Variants in UCK2 observed in about 807,000 individuals in gnomAD.
UCK2 encodes uridine-cytidine kinase 2.
A neutral mutation model predicts 30.8 loss-of-function variants in UCK2; 6 were observed. The observed-to-expected ratio is 0.19, with a 90% CI of 0.11 to 0.38. The LOEUF (loss-of-function observed/expected upper bound fraction) is 0.38. UCK2 is among the 10% of genes least tolerant of loss of function. The probability of loss-of-function intolerance (pLI) is 1.00; values close to 1 mark genes in which losing one functional copy is unlikely to be tolerated. For missense variants in UCK2, 210 were observed against 339.8 expected (o/e 0.62, Z 3.00); for synonymous variants, 125 against 133.6 (o/e 0.94, Z 0.45).
intron 5 of UCK2, among the ~76,000 whole-genome samples, chr1:165,904,658 C>T (rs1432581248): frequency 6.6e-6 from 1 of 152,186 alleles, no homozygotes; most frequent in African/African-American, 2.4e-5. Flanking sequence ...CAGCTCATTC[C>T]CCTGTAAGCC....
At chr1:165,857,787 A>C (rs971365992) in intron 1 of UCK2, among the ~76,000 whole-genome samples, 4 of 152,174 alleles carry the variant, frequency 2.6e-5, no homozygotes, top group Non-Finnish European at 4.4e-5. Context: ...GCTTTGGCTG[A>C]CATCTGTCAT....
chr1:165,829,903 A>G (rs72699961), intron 1 of UCK2, among the ~76,000 whole-genome samples: 17,500 of 152,254 alleles, frequency 0.11, 1,238 homozygotes, highest in Admixed American at 0.16. Flanking sequence ...CACCTAGCCC[A>G]GAGTAAGTGG....
intron 1 of UCK2, among the ~76,000 whole-genome samples, chr1:165,874,730 A>T (rs879579795): frequency 6.6e-6 from 1 of 152,096 alleles, no homozygotes; most frequent in Non-Finnish European, 1.5e-5. Flanking sequence ...CTTTTCTTCC[A>T]TCTATAGGTT....
rs1268085829 is a variant in UCK2, at chr1:165,910,788, C to T, written c.*2965C>T. On this transcript the variant is annotated 3_prime_UTR_variant, in exon 7 of 7. Transcript: ENST00000367879. ...CAGTTCACCTTGCCGCAGAACTAGC[C>T]TAATCATCCCTGCTTCTGGTCTTGG... is the stretch of plus-strand genomic sequence containing the variant. 1.2e-4 allele frequency: 18 copies of T among 152,346 alleles called. No individual in the cohort carries two copies. The highest frequency in any genetic ancestry group is 8.5e-4 in the Admixed American group (13 of 15,284). The allele number at this position is 152,346 out of a possible 1,614,324, so 9.4% of individuals were successfully genotyped here.
At chr1:165,857,893 A>T (rs927424742) in intron 1 of UCK2, among the ~76,000 whole-genome samples, 2 of 152,040 alleles carry the variant, frequency 1.3e-5, no homozygotes, top group African/African-American at 4.8e-5. Context: ...AAAAGGTTAG[A>T]TCCTCCCACC....
In UCK2 at chr1:165,873,432, G is replaced by A. The variant is rs1655252757; in HGVS notation, c.100-16772G>A. On this transcript the variant is annotated intron_variant, in intron 1 of 6. Transcript: ENST00000367879. ...CATTTATTTCTAGCAGTAGGACTTA[G>A]CCAATCATTTCTGTCTTTGTTTTAC... Among the ~76,000 whole-genome samples, 3 of 152,294 alleles carry A rather than the reference G, an allele frequency of 2.0e-5. No individual in the cohort carries two copies. In the South Asian group the frequency reaches 6.2e-4, roughly 32 times the overall value.
chr1:165,907,653 C>G, intron 6 of UCK2, 31 bp from the exon 7 acceptor site: 2 of 1,611,458 alleles, frequency 1.2e-6, no homozygotes, highest in Non-Finnish European at 1.7e-6. Flanking sequence ...ATGCCTGCAC[C>G]CGTAACGCTC....
intron 1 of UCK2, among the ~76,000 whole-genome samples, chr1:165,870,940 C>T (rs1655181744): frequency 6.6e-6 from 1 of 152,196 alleles, no homozygotes; most frequent in Non-Finnish European, 1.5e-5. Context: ...GCCTCAGCCT[C>T]CCAAGTAGCT....
At chr1:165,841,246 C>T (rs1038607516) in intron 1 of UCK2, among the ~76,000 whole-genome samples, 14 of 151,788 alleles carry the variant, frequency 9.2e-5, no homozygotes, top group Admixed American at 1.3e-4. Context: ...TGCAATGGCA[C>T]GATCTCGGCT....
chr1:165,902,052 G>A (rs1462267426), intron 4 of UCK2, among the ~76,000 whole-genome samples: 4 of 151,666 alleles, frequency 2.6e-5, no homozygotes, highest in East Asian at 1.9e-4. Flanking sequence ...TGGCTAACAC[G>A]GTGAAACCCC....
At chr1:165,847,307 T>C (rs1247318801) in intron 1 of UCK2, among the ~76,000 whole-genome samples, 2 of 152,122 alleles carry the variant, frequency 1.3e-5, no homozygotes, top group Non-Finnish European at 2.9e-5. Flanking sequence ...CAATAAATAA[T>C]TCAGAAAAGG....
chr1:165,834,434 C>T (rs549722938), intron 1 of UCK2, among the ~76,000 whole-genome samples: 1 of 152,122 alleles, frequency 6.6e-6, no homozygotes, highest in South Asian at 2.1e-4. Context: ...CATTGCAATC[C>T]AACCTGGGCA....
chr1:165,868,972 C>T (rs1215408704), intron 1 of UCK2, among the ~76,000 whole-genome samples: 1 of 152,142 alleles, frequency 6.6e-6, no homozygotes, highest in African/African-American at 2.4e-5. Flanking sequence ...TTTACTTGAA[C>T]ACTTAGAGGC....
In UCK2 at chr1:165,891,341, G is replaced by A. The variant is rs765347074; in HGVS notation, c.356+19G>A. 1.9e-6 allele frequency: 3 copies of A among 1,608,062 alleles called. No homozygotes were observed. The highest frequency in any genetic ancestry group is 2.6e-6 in the Non-Finnish European group (3 of 1,174,546). ...ATTCCCGGTAAGTGAGCTGTTCTGG[G>A]CCAGGGATGGCACCCACTGCTCCGC... On this transcript the variant is annotated intron_variant, in intron 3 of 6. Coordinates refer to ENST00000367879, the MANE Select transcript of UCK2 (RefSeq NM_012474.5).
chr1:165,903,967 A>G (rs1046749158), intron 5 of UCK2: 1 of 152,472 alleles, frequency 6.6e-6, no homozygotes, highest in Non-Finnish European at 1.5e-5. Context: ...GGGGCTGCAG[A>G]AGGAGAAGTA....
intron 1 of UCK2, among the ~76,000 whole-genome samples, chr1:165,882,867 G>T (rs1288569540): frequency 6.6e-6 from 1 of 151,864 alleles, no homozygotes; most frequent in Non-Finnish European, 1.5e-5. Context: ...GCTCTGTCAC[G>T]AGGCTGGAGT....
At chr1:165,898,129 T>G (rs1213806304) in intron 4 of UCK2, 1 of 152,228 alleles carries the variant, frequency 6.6e-6, no homozygotes, top group Non-Finnish European at 1.5e-5. Flanking sequence ...TTGGTTGATC[T>G]GCTCAGTGTC....
At chr1:165,839,370 A>G (rs968767107) in intron 1 of UCK2, among the ~76,000 whole-genome samples, 4 of 152,212 alleles carry the variant, frequency 2.6e-5, no homozygotes, top group Non-Finnish European at 4.4e-5. Flanking sequence ...GAGGGATGAC[A>G]GAAGCTGAAG....
intron 1 of UCK2, among the ~76,000 whole-genome samples, chr1:165,880,567 GTGTGTGTGTGTGTGTGT>G (rs1295207403): frequency 9.2e-4 from 4 of 4,328 alleles, no homozygotes; most frequent in Non-Finnish European, 1.6e-3. Flanking sequence ...TTTTTTGGGG[GTGTGTGTGTGTGTGTGT>G]GTGTGTGTGT....
Sources: allele counts gnomAD v4.1 joint callset (sites outside exome capture counted in the v4.1 genomes callset), GRCh38; gene constraint gnomAD v4.1.1; transcripts MANE v1.5; gene names NCBI Gene and HGNC (gene_info 2026-07-23, HGNC 2026-07-21).